Variants in DAB2 observed in about 807,000 individuals in gnomAD.
DAB2 encodes disabled homolog 2.
In DAB2, 28 loss-of-function variants were observed where a neutral mutation model predicts 71.6. The ratio of observed to expected loss-of-function variants is 0.39; its 90% CI spans 0.29 to 0.54. DAB2 has a LOEUF of 0.54. Ranked by LOEUF, DAB2 falls within the 20% of genes least tolerant of loss-of-function variation. The probability of loss-of-function intolerance (pLI) is 0.68; values close to 1 mark genes in which losing one functional copy is unlikely to be tolerated. For synonymous variants in DAB2, 345 were observed against 339.7 expected (o/e 1.02, Z -0.17); for missense variants, 867 against 928.8 (o/e 0.93, Z 0.86).
chr5:39,403,265 G>C (rs1313590147), intron 1 of DAB2, among the ~76,000 whole-genome samples: 1 of 152,170 alleles, frequency 6.6e-6, no homozygotes, highest in Non-Finnish European at 1.5e-5. Flanking sequence ...TTGTGAAATA[G>C]CTGGAGGGGA....
At chr5:39,419,760 A>G (rs1189916359) in intron 1 of DAB2, among the ~76,000 whole-genome samples, 2 of 152,210 alleles carry the variant, frequency 1.3e-5, no homozygotes, top group Admixed American at 1.3e-4. Flanking sequence ...CAGAGGGGAA[A>G]AGATTTGGAA....
At chr5:39,375,235 T>A (rs1754797971) in intron 13 of DAB2, 151 bp from the exon 14 acceptor site, 1 of 590,256 alleles carries the variant, frequency 1.7e-6, no homozygotes, top group Non-Finnish European at 3.0e-6. Flanking sequence ...TGTTTTGTTT[T>A]CATCTGCTTG....
chr5:39,414,163 G>A (rs1259407170), intron 1 of DAB2, among the ~76,000 whole-genome samples: 1 of 152,084 alleles, frequency 6.6e-6, no homozygotes, highest in Non-Finnish European at 1.5e-5. Flanking sequence ...TTCCAGCCTG[G>A]GGTTCTTGGA....
At position 39,382,982 on chromosome 5, in the gene DAB2, CT is replaced by C; in HGVS notation, c.976del (p.Ser326AlafsTer6). The part of the protein sequence containing the change: ...SPDQKKENSS[S>X]SSTPLSNGPL... ...CCCATTACTCAGCGGAGTAGACGAG[CT>C]ACTCGAATTCTCTTTCTTCTGATCT... On this transcript the variant is annotated frameshift_variant, in exon 10 of 15. Transcript: ENST00000320816. LOFTEE classifies it high-confidence loss of function. 1 of 1,614,134 alleles carries C rather than the reference CT, an allele frequency of 6.2e-7. No individual in the cohort carries two copies. Among genetic ancestry groups the C allele is most frequent in the Non-Finnish European group, 8.5e-7 (1 of 1,180,030 alleles).
chr5:39,380,666 T>C lies in DAB2; in HGVS notation c.1504+788A>G, dbSNP rs555478516. ...ATAGCAAGGCCAGCCCTCAGTCAAG[T>C]GGACTTTCCCACTGTCCTACCACAG... is the stretch of plus-strand genomic sequence containing the variant. On this transcript the variant is annotated intron_variant, in intron 11 of 14. Coordinates refer to ENST00000320816, the MANE Select transcript of DAB2 (RefSeq NM_001343.4). Among the ~76,000 whole-genome samples, 16 of 152,344 alleles carry C rather than the reference T, an allele frequency of 1.1e-4. No homozygotes were observed. In the South Asian group the frequency reaches 3.3e-3, roughly 32 times the overall value.
intron 8 of DAB2, 151 bp from the exon 9 acceptor site, chr5:39,388,518 C>T: frequency 1.5e-6 from 1 of 670,046 alleles, no homozygotes; most frequent in Non-Finnish European, 2.6e-6. Context: ...CTGTTTAGGT[C>T]AGGAAGTGTA....
chr5:39,381,634 G>A lies in DAB2; in HGVS notation c.1342-18C>T. 1 of 1,613,466 alleles carries A rather than the reference G, an allele frequency of 6.2e-7. No homozygotes were observed. The highest frequency in any genetic ancestry group is 8.5e-7 in the Non-Finnish European group (1 of 1,179,700). On this transcript the variant is annotated intron_variant, in intron 10 of 14. Coordinates refer to ENST00000320816, the MANE Select transcript of DAB2 (RefSeq NM_001343.4). The stretch of plus-strand genomic sequence containing the variant: ...GCTGAAGACTGACAGGACAGGGAGG[G>A]AGGGAGAAGCCTTAGTTACTCACTA...
chr5:39,421,953 C>A (rs372332326), intron 1 of DAB2, among the ~76,000 whole-genome samples: 1 of 151,938 alleles, frequency 6.6e-6, no homozygotes, highest in Non-Finnish European at 1.5e-5. Flanking sequence ...ACCTCTAATC[C>A]CAACTAATCA....
At chr5:39,391,702 T>G (rs777076516) in intron 4 of DAB2, among the ~76,000 whole-genome samples, 8 of 152,090 alleles carry the variant, frequency 5.3e-5, no homozygotes, top group Non-Finnish European at 1.0e-4. Flanking sequence ...GAAGACTTGA[T>G]GTATGATAAA....
chr5:39,416,664 A>T (rs1430303787), intron 1 of DAB2, among the ~76,000 whole-genome samples: 3 of 151,944 alleles, frequency 2.0e-5, no homozygotes, highest in Non-Finnish European at 4.4e-5. Flanking sequence ...TTCCAAGGCC[A>T]CTCAAGATGT....
chr5:39,424,422 C>A (rs1000084795), intron 1 of DAB2, among the ~76,000 whole-genome samples: 2 of 150,418 alleles, frequency 1.3e-5, no homozygotes, highest in Admixed American at 1.3e-4. Context: ...GTTAATTAGG[C>A]GGTCAGCAGC....
intron 1 of DAB2, among the ~76,000 whole-genome samples, chr5:39,413,278 A>G (rs568267969): frequency 2.0e-5 from 3 of 152,178 alleles, no homozygotes; most frequent in Admixed American, 2.0e-4. Context: ...AGGACTAACA[A>G]TCTCAAACAT....
At chr5:39,388,408 A>G (rs1253594856) in intron 8 of DAB2, 41 bp from the exon 9 acceptor site, 1 of 1,346,884 alleles carries the variant, frequency 7.4e-7, no homozygotes, top group African/African-American at 1.4e-5. Flanking sequence ...GTGTCTACTA[A>G]AAAAGATTAC....
chr5:39,417,299 TA>T (rs67514417), intron 1 of DAB2: 53,911 of 147,580 alleles, frequency 0.37, 10,117 homozygotes, highest in Middle Eastern at 0.44. Flanking sequence ...AGTATAAAAA[TA>T]AAAAAAAAAA....
At chr5:39,413,947 C>G (rs1755787928) in intron 1 of DAB2, among the ~76,000 whole-genome samples, 1 of 152,134 alleles carries the variant, frequency 6.6e-6, no homozygotes, top group Non-Finnish European at 1.5e-5. Context: ...ATAAGCATAT[C>G]TGAAATCACA....
chr5:39,381,468 G>A lies in DAB2; in HGVS notation c.1490C>T (p.Pro497Leu), dbSNP rs763187392. The A allele has an allele frequency of 6.2e-7, 1 of 1,613,846 alleles. No homozygotes were observed. The highest frequency in any genetic ancestry group is 1.7e-5 in the Admixed American group (1 of 60,008). Residue 497 changes from proline to leucine, a missense_variant, in exon 11 of 15, where the codon CCC becomes CTC. Transcript: ENST00000320816. Reference sequence around the variant, plus strand: ...TAGGCACCTACCTAGACCCACCAGGGGCCCCACTGGGGCAGGAGCACTTGT... The same window carrying A: ...TAGGCACCTACCTAGACCCACCAGGAGCCCCACTGGGGCAGGAGCACTTGT... Reference protein sequence around the residue: ...FKTSAPAPVGPLVGLGGVTVT... With the variant: ...FKTSAPAPVGLLVGLGGVTVT...
chr5:39,383,063 G>C lies in DAB2; in HGVS notation c.896C>G (p.Pro299Arg). Residue 299 changes from proline (P) to arginine (R), a missense_variant, in exon 10 of 15, where the codon CCT (proline) becomes CGT (arginine). Physicochemically the swap from Pro to Arg is moderately radical, Grantham distance 103 (BLOSUM62 -2). Coordinates refer to ENST00000320816, the MANE Select transcript of DAB2 (RefSeq NM_001343.4). ...TPNPDPFRDD[P>R]FTQPDQSTPS... is the part of the protein sequence containing the mutation. Reference sequence around the variant, plus strand: ...TGTCGATTGGTCTGGCTGTGTGAAAGGATCGTCACGGAAAGGATCAGGATT... The same window carrying C: ...TGTCGATTGGTCTGGCTGTGTGAAACGATCGTCACGGAAAGGATCAGGATT... 6.2e-7 allele frequency: 1 copy of C among 1,614,102 alleles called. No individual in the cohort carries two copies. The highest frequency in any genetic ancestry group is 1.1e-5 in the South Asian group (1 of 91,068).
chr5:39,388,751 C>T (rs762591239), intron 8 of DAB2, 48 bp downstream of exon 8: 1 of 1,470,188 alleles, frequency 6.8e-7, no homozygotes, highest in Non-Finnish European at 9.5e-7. Context: ...AAGTAGAACC[C>T]ATGTTCAGAT....
In DAB2 at chr5:39,422,145, C is replaced by T. The variant is rs758799326; in HGVS notation, c.-102+2659G>A. Among the ~76,000 whole-genome samples, 4 of 152,154 alleles carry T rather than the reference C, an allele frequency of 2.6e-5. No individual in the cohort carries two copies. Among genetic ancestry groups the T allele is most frequent in the East Asian group, 1.9e-4 (1 of 5,204 alleles). On this transcript the variant is annotated intron_variant, in intron 1 of 14. Transcript: ENST00000320816. This position sits in a 1 kb window ranked among gnomAD's most constrained non-coding sequence, Gnocchi z 4.1. ...TTTGGCCAACCTTTGTGCAATTCAG[C>T]GGCACAGCTTCAACTTTGGAATTAC...
Sources: gnomAD v4.1 joint callset for allele counts (sites outside exome capture counted in the v4.1 genomes callset) on GRCh38, gnomAD v4.1.1 for gene constraint, Gnocchi (gnomAD v3.1) non-coding constraint, MANE v1.5 for transcripts, NCBI Gene and HGNC (gene_info 2026-07-23, HGNC 2026-07-21) for gene names.